Variants in HPSE2 observed in about 807,000 individuals in gnomAD.
HPSE2 encodes inactive heparanase-2.
In HPSE2, 38 loss-of-function variants were observed where a neutral mutation model predicts 60.5. The observed-to-expected ratio is 0.63, with a 90% CI of 0.48 to 0.82. The LOEUF is 0.82. Ranked by LOEUF, HPSE2 falls within the 40% of genes least tolerant of loss-of-function variation. The probability of loss-of-function intolerance (pLI) is 0.00; values close to 1 mark genes in which losing one functional copy is unlikely to be tolerated. For missense variants in HPSE2, 713 were observed against 740.4 expected (o/e 0.96, Z 0.43); for synonymous variants, 295 against 293.2 (o/e 1.01, Z -0.06).
rs184217524 is a variant in HPSE2 at position 98,850,721 on chromosome 10, A to C, written c.611-106665T>G. 4.0e-3 allele frequency among the ~76,000 whole-genome samples: 510 copies of C among 126,014 alleles called. 2 individuals are homozygous for C. The highest frequency in any genetic ancestry group is 0.015 in the African/African-American group (489 of 32,152). The allele number at this position is 126,014 out of a possible 152,430, so 82.7% of individuals were successfully genotyped here. On this transcript the variant is annotated intron_variant, in intron 3 of 11. Transcript: ENST00000370552. ...CACTGCACTCCAGCCTGGGTGACAG[A>C]GTGAGACTCCATCTCAAAAAAAAAA...
At chr10:98,943,617 T>C (rs1050471688) in intron 3 of HPSE2, among the ~76,000 whole-genome samples, 1 of 152,128 alleles carries the variant, frequency 6.6e-6, no homozygotes, top group African/African-American at 2.4e-5. Context: ...ATTTATTCTC[T>C]TACTTTCTCT....
intron 9 of HPSE2, among the ~76,000 whole-genome samples, chr10:98,576,530 C>A (rs1209619002): frequency 6.6e-6 from 1 of 152,002 alleles, no homozygotes; most frequent in African/African-American, 2.4e-5. Context: ...CAAAAGAGGA[C>A]AAGGAGAAGC....
intron 2 of HPSE2, among the ~76,000 whole-genome samples, chr10:99,188,452 A>T (rs1848108045): frequency 6.6e-6 from 1 of 152,232 alleles, no homozygotes; most frequent in Non-Finnish European, 1.5e-5. Flanking sequence ...GGTGATAGGG[A>T]AGAGGAGGAG....
intron 3 of HPSE2, among the ~76,000 whole-genome samples, chr10:99,076,561 T>TAA (rs1842957254): frequency 6.6e-6 from 1 of 152,154 alleles, no homozygotes; most frequent in East Asian, 1.9e-4. Flanking sequence ...CTAACTTTTA[T>TAA]ATTTTTAGTG....
chr10:98,843,528 T>C (rs1427833844), intron 3 of HPSE2, among the ~76,000 whole-genome samples: 15 of 152,186 alleles, frequency 9.9e-5, no homozygotes, highest in African/African-American at 3.4e-4. Context: ...ACAGAGATGT[T>C]TGGAAACTAT....
rs1400591881 is a variant in HPSE2 at position 98,879,662 on chromosome 10, T to C, written c.611-135606A>G. ...GGAATGTAGAGCTCTGGGAAATCCC[T>C]GAAGTAATGAGCTCTGCAGTGTAAA... is the stretch of plus-strand genomic sequence containing the variant. On this transcript the variant is annotated intron_variant, in intron 3 of 11. Coordinates refer to ENST00000370552, the MANE Select transcript of HPSE2 (RefSeq NM_021828.5). Among the ~76,000 whole-genome samples, 4 of 152,140 alleles carry C rather than the reference T, an allele frequency of 2.6e-5. No individual in the cohort carries two copies. In the East Asian group the frequency reaches 5.8e-4, roughly 22 times the overall value.
chr10:99,060,457 G>T (rs1056882435), intron 3 of HPSE2, among the ~76,000 whole-genome samples: 2 of 152,042 alleles, frequency 1.3e-5, no homozygotes, highest in African/African-American at 4.8e-5. Context: ...TCAGGAGGTT[G>T]GGACCAGCCT....
the HPSE2 span, among the ~76,000 whole-genome samples, chr10:99,305,965 G>GCACACACACACA: frequency 1.6e-5 from 1 of 63,992 alleles, no homozygotes; most frequent in Non-Finnish European, 2.9e-5. Context: ...ACACACACGC[G>GCACACACACACA]CGCGCGCGCG....
At chr10:99,239,913 G>T (rs937632508), upstream of HPSE2, among the ~76,000 whole-genome samples, 3 of 152,134 alleles carry the variant, frequency 2.0e-5, no homozygotes, top group Non-Finnish European at 4.4e-5. Flanking sequence ...TCCCGGCCAG[G>T]TGCAGTGGCT....
intron 9 of HPSE2, among the ~76,000 whole-genome samples, chr10:98,514,781 C>T (rs1306985598): frequency 2.8e-5 from 4 of 141,386 alleles, no homozygotes; most frequent in South Asian, 2.2e-4. Flanking sequence ...TGCAGTGGTG[C>T]GATCTCAGCT....
chr10:98,887,851 T>A (rs1226291392), intron 3 of HPSE2, among the ~76,000 whole-genome samples: 2 of 151,546 alleles, frequency 1.3e-5, no homozygotes, highest in Non-Finnish European at 2.9e-5. Flanking sequence ...ATTAAAGTAA[T>A]TTAAAATGAA....
In HPSE2 at chr10:99,179,761, CT is replaced by C. The variant is rs200862911; in HGVS notation, c.449-35363del. Among the ~76,000 whole-genome samples, 30 of 150,194 alleles carry C rather than the reference CT, an allele frequency of 2.0e-4. 1 individual carries two copies. The South Asian group carries it at 6.3e-3, about 31-fold the overall frequency. ...TTCACAGAATGAGAAAAAAAAAAAA[CT>C]TTAAACTTCATATGAAACCAAAAAG... On this transcript the variant is annotated intron_variant, in intron 2 of 11. Transcript: ENST00000370552.
At chr10:99,276,573 A>G in the HPSE2 span, among the ~76,000 whole-genome samples, 5 of 152,114 alleles carry the variant, frequency 3.3e-5, no homozygotes, top group African/African-American at 9.7e-5. Flanking sequence ...TCTTTTATGC[A>G]TTCCAGAATT....
rs984481333 is a variant in HPSE2, at chr10:99,168,935, C to T, written c.449-24536G>A. On this transcript the variant is annotated intron_variant, in intron 2 of 11. Transcript: ENST00000370552. ...CCTGGCCGGGCATGGTGGCTTGCGC[C>T]TGTAATCCCAGCACTTTGGGAGGCC... is the stretch of plus-strand genomic sequence containing the variant. Among the ~76,000 whole-genome samples, 5 of 152,176 alleles carry T rather than the reference C, an allele frequency of 3.3e-5. 1 individual carries two copies. The highest frequency in any genetic ancestry group is 7.3e-5 in the Non-Finnish European group (5 of 68,042).
chr10:98,929,097 G>A (rs1564664151), intron 3 of HPSE2, among the ~76,000 whole-genome samples: 1 of 143,274 alleles, frequency 7.0e-6, no homozygotes, highest in Non-Finnish European at 1.5e-5. Context: ...ACCACCAAAT[G>A]CCAGAATTCT....
At chr10:98,852,933 T>C (rs1952217213) in intron 3 of HPSE2, among the ~76,000 whole-genome samples, 1 of 152,230 alleles carries the variant, frequency 6.6e-6, no homozygotes, top group African/African-American at 2.4e-5. Context: ...GTCACCTATA[T>C]GCATATAACC....
chr10:99,235,604 T>C lies in HPSE2; in HGVS notation c.199A>G (p.Thr67Ala). 1 of 1,614,064 alleles carries C rather than the reference T, an allele frequency of 6.2e-7. No homozygotes were observed. ...TTGACTGTCCTGACTGGGTTCTTGGTGCTCACATCAAGTAGAATCAGGGTC... is the reference window on the plus strand; with the variant it reads ...TTGACTGTCCTGACTGGGTTCTTGGCGCTCACATCAAGTAGAATCAGGGTC... Reference protein sequence around the residue: ...EKTLILLDVSTKNPVRTVNEN... With the variant: ...EKTLILLDVSAKNPVRTVNEN... Residue 67 changes from threonine (T) to alanine (A), a missense_variant, in exon 1 of 12, where the codon ACC becomes GCC. By Grantham distance (58) the Thr-to-Ala change is moderately conservative. Transcript: ENST00000370552.
chr10:99,167,089 C>T (rs925548280), intron 2 of HPSE2, among the ~76,000 whole-genome samples: 9 of 152,044 alleles, frequency 5.9e-5, no homozygotes, highest in African/African-American at 2.2e-4. Flanking sequence ...TGACCCACTG[C>T]AGCCTCTGCC....
chr10:99,163,047 A>C (rs1846908350), intron 2 of HPSE2, among the ~76,000 whole-genome samples: 1 of 152,042 alleles, frequency 6.6e-6, no homozygotes, highest in Non-Finnish European at 1.5e-5. Context: ...GTCTCTACTA[A>C]AATTACCAAA....
Sources: allele counts gnomAD v4.1 joint callset (sites outside exome capture counted in the v4.1 genomes callset), GRCh38; gene constraint gnomAD v4.1.1; transcripts MANE v1.5; gene names NCBI Gene and HGNC (gene_info 2026-07-23, HGNC 2026-07-21).